DDIAS: variants seen among roughly 807,000 people sequenced by gnomAD.
DDIAS encodes DNA damage induced apoptosis suppressor.
Under a neutral mutation model 15.7 loss-of-function variants are expected in DDIAS, and 14 were observed. That is an observed-to-expected ratio of 0.89 (90% CI 0.59 to 1.39). The LOEUF is 1.39. Among genes scored for constraint, DDIAS ranks in the 40% most tolerant of loss-of-function variants. The pLI is 0.00. For synonymous variants in DDIAS, 355 were observed against 395.9 expected, an observed-to-expected ratio of 0.90 and a Z score of 1.23; for missense variants, 1,035 against 1,130.9, an observed-to-expected ratio of 0.92 and a Z score of 1.22.
At position 82,934,008 on chromosome 11, in the gene DDIAS, T is replaced by C; in HGVS notation, c.2670T>C (p.Ala890=). The change falls in exon 6 of 6, where the codon GCT becomes GCC. Residue 890 remains alanine (A), a synonymous_variant. Transcript: ENST00000533655. ...FQGIGLGKCL[A]AYHFPDQQEL... ...GCATAGGTCTAGGGAAATGCCTTGC[T>C]GCCTATCATTTCCCTGATCAACAAG... The C allele has an allele frequency of 1.2e-6, 2 of 1,613,822 alleles. No individual in the cohort carries two copies. The highest frequency in any genetic ancestry group is 2.2e-5 in the East Asian group (1 of 44,876).
rs947227853 is a variant in DDIAS, at chr11:82,930,419, T to G, written c.393+145T>G. ...AAACTATGTAAAAATAGCCTATAGG[T>G]GGTCTGTTAAAACACCATGTGTGAC... On this transcript the variant is annotated intron_variant, in intron 5 of 5. Coordinates refer to ENST00000533655, the MANE Select transcript of DDIAS (RefSeq NM_145018.4). 2.4e-5 allele frequency: 14 copies of G among 578,334 alleles called. No individual in the cohort carries two copies. The South Asian group carries it at 3.6e-4, about 15-fold the overall frequency. The allele number at this position is 578,334 out of a possible 1,614,324, so 35.8% of individuals were successfully genotyped here.
chr11:82,918,053 G>C (rs1228956554), intron 3 of DDIAS, among the ~76,000 whole-genome samples: 1 of 152,186 alleles, frequency 6.6e-6, no homozygotes, highest in Non-Finnish European at 1.5e-5. Context: ...CAGATGTATA[G>C]ATTGTGAAGA....
chr11:82,928,723 C>G, intron 3 of DDIAS, 54 bp from the exon 4 acceptor site: 1 of 1,554,100 alleles, frequency 6.4e-7, no homozygotes, highest in South Asian at 1.2e-5. Flanking sequence ...GATTTTTCAT[C>G]ATATGAAAAA....
At chr11:82,904,592 T>G (rs1860389015) in intron 1 of DDIAS, among the ~76,000 whole-genome samples, 1 of 152,218 alleles carries the variant, frequency 6.6e-6, no homozygotes, top group African/African-American at 2.4e-5. Flanking sequence ...TTTTCAAGTG[T>G]GGGCAATTTG....
At chr11:82,914,702 A>G (rs1407577235) in intron 2 of DDIAS, 21 bp from the exon 3 acceptor site, 2 of 1,277,220 alleles carry the variant, frequency 1.6e-6, no homozygotes, top group African/African-American at 1.5e-5. Context: ...CAGTCATCCC[A>G]ATGGCTATTT....
rs1590814973 is a variant in DDIAS at position 82,933,426 on chromosome 11, A to C, written c.2088A>C (p.Lys696Asn). The change falls in exon 6 of 6, where the codon AAA (lysine) becomes AAC (asparagine). Residue 696 changes from lysine to asparagine, a missense_variant. By Grantham distance (94) the Lys-to-Asn change is moderately conservative (BLOSUM62 0). Coordinates refer to ENST00000533655, the MANE Select transcript of DDIAS (RefSeq NM_145018.4). The stretch of plus-strand genomic sequence containing the variant: ...ACATTGCAACTGAGATTACCAAAAA[A>C]TCACAGGATATTTTGTTAAAATGGG... ...EMDIATEITK[K>N]SQDILLKWGT... The C allele has an allele frequency of 6.2e-7, 1 of 1,613,806 alleles. No homozygotes were observed. Among genetic ancestry groups the C allele is most frequent in the African/African-American group, 1.3e-5 (1 of 74,928 alleles).
chr11:82,926,913 T>C (rs1590809851), intron 3 of DDIAS, among the ~76,000 whole-genome samples: 1 of 152,154 alleles, frequency 6.6e-6, no homozygotes, highest in Admixed American at 6.6e-5. Flanking sequence ...ATAGACATAG[T>C]TTTTTGAGGC....
intron 3 of DDIAS, among the ~76,000 whole-genome samples, chr11:82,916,261 A>G (rs985288399): frequency 1.4e-4 from 22 of 152,228 alleles, no homozygotes; most frequent in Non-Finnish European, 2.8e-4. Context: ...AATACATAAC[A>G]TATATTAGGA....
Position 82,928,929 on chromosome 11 carries a change from G to A in DDIAS, c.266G>A (p.Gly89Asp). The A allele has an allele frequency of 6.2e-7, 1 of 1,611,090 alleles. No homozygotes were observed. The highest frequency in any genetic ancestry group is 1.1e-5 in the South Asian group (1 of 90,238). The change falls in exon 4 of 6, where the codon GGT becomes GAT. Residue 89 changes from glycine to aspartate, a missense_variant. Coordinates refer to ENST00000533655, the MANE Select transcript of DDIAS (RefSeq NM_145018.4). The stretch of plus-strand genomic sequence containing the variant: ...ACATTTTTTGGTCTTACTGCCACTG[G>A]TTTGCACAGGTAAGAATACTTAAAA... ...LDTFFGLTAT[G>D]LHRYIQDPNK...
intron 1 of DDIAS, among the ~76,000 whole-genome samples, chr11:82,908,904 C>T (rs887671620): frequency 2.6e-5 from 4 of 152,166 alleles, no homozygotes; most frequent in Non-Finnish European, 5.9e-5. Flanking sequence ...TTTCTTTAGC[C>T]CTTCTCTTTC....
chr11:82,921,864 C>A (rs866496180), intron 3 of DDIAS, among the ~76,000 whole-genome samples: 1 of 152,142 alleles, frequency 6.6e-6, no homozygotes, highest in Non-Finnish European at 1.5e-5. Context: ...CAGGCATGAG[C>A]CACTGCGCCC....
chr11:82,932,557 G>A lies in DDIAS; in HGVS notation c.1219G>A (p.Asp407Asn). Residue 407 changes from aspartate to asparagine, a missense_variant, in exon 6 of 6, where the codon GAT (aspartate) becomes AAT (asparagine). Physicochemically the swap from Asp to Asn is conservative, Grantham distance 23 (BLOSUM62 1). Transcript: ENST00000533655. The part of the protein sequence containing the change: ...RLEETASSSQ[D>N]GDPQIWDDLP... ...TGAAGAGACAGCCAGCAGTTCCCAGGATGGTGACCCTCAAATTTGGGATGA... is the reference window on the plus strand; with the variant it reads ...TGAAGAGACAGCCAGCAGTTCCCAGAATGGTGACCCTCAAATTTGGGATGA... The A allele has an allele frequency of 1.2e-6, 2 of 1,614,176 alleles. No homozygotes were observed. Among genetic ancestry groups the A allele is most frequent in the Non-Finnish European group, 1.7e-6 (2 of 1,180,030 alleles).
Position 82,933,081 on chromosome 11 carries a change from AG to A in DDIAS, c.1744del (p.Glu582LysfsTer7), listed in dbSNP as rs751328193. 1 of 1,602,714 alleles carries A rather than the reference AG, an allele frequency of 6.2e-7. No homozygotes were observed. Among genetic ancestry groups the A allele is most frequent in the Non-Finnish European group, 8.5e-7 (1 of 1,178,406 alleles). ...ATAACAAATATTTGAATGGATGTGG[AG>A]AAATATCAGTTTCAGAAATGAATGA... ...LNNKYLNGCG[E>X]ISVSEMNEKL... On this transcript the variant is annotated frameshift_variant, in exon 6 of 6. Coordinates refer to ENST00000533655, the MANE Select transcript of DDIAS (RefSeq NM_145018.4). LOFTEE classifies it low-confidence loss of function (END_TRUNC).
intron 3 of DDIAS, among the ~76,000 whole-genome samples, chr11:82,919,968 C>T (rs928841422): frequency 1.3e-5 from 2 of 152,194 alleles, no homozygotes; most frequent in Admixed American, 1.3e-4. Flanking sequence ...CATGATCCGC[C>T]CACCTCAGCC....
intron 3 of DDIAS, among the ~76,000 whole-genome samples, chr11:82,920,004 T>A (rs1356899428): frequency 6.6e-6 from 1 of 152,214 alleles, no homozygotes; most frequent in Non-Finnish European, 1.5e-5. Context: ...ATTACAGGCG[T>A]GAGGCACCAC....
At position 82,933,509 on chromosome 11, in the gene DDIAS, C is replaced by G. The variant is rs752741127; in HGVS notation, c.2171C>G (p.Ser724Cys). 1.3e-5 allele frequency: 21 copies of G among 1,613,900 alleles called. No individual in the cohort carries two copies. The East Asian group carries it at 4.7e-4, about 36-fold the overall frequency. The change falls in exon 6 of 6, where the codon TCT becomes TGT. Residue 724 changes from serine (S) to cysteine (C), a missense_variant. Physicochemically the swap from Ser to Cys is moderately radical, Grantham distance 112. Transcript: ENST00000533655. ...SESDFSLRSLSEDFIQPSQKL... is the reference protein window; with the variant it reads ...SESDFSLRSLCEDFIQPSQKL... The stretch of plus-strand genomic sequence containing the variant: ...TCTGATTTTTCACTGAGATCACTTT[C>G]TGAAGACTTCATCCAGCCTTCACAA...
At chr11:82,925,012 T>G (rs1010247451) in intron 3 of DDIAS, among the ~76,000 whole-genome samples, 2 of 152,292 alleles carry the variant, frequency 1.3e-5, no homozygotes, top group South Asian at 2.1e-4. Context: ...GAGTGCATAA[T>G]GGAGTTTCCC....
At chr11:82,917,058 T>C (rs1860645939) in intron 3 of DDIAS, among the ~76,000 whole-genome samples, 1 of 152,244 alleles carries the variant, frequency 6.6e-6, no homozygotes, top group Non-Finnish European at 1.5e-5. Context: ...TCCTTGCCTA[T>C]GGAAACATAG....
Position 82,933,516 on chromosome 11 carries a change from CTT to C in DDIAS, c.2179_2180del (p.Phe727HisfsTer14), listed in dbSNP as rs1330116960. On this transcript the variant is annotated frameshift_variant, in exon 6 of 6. Transcript: ENST00000533655. LOFTEE classifies it low-confidence loss of function (END_TRUNC). ...DFSLRSLSED[F>X]IQPSQKLSLQ... ...TTTCACTGAGATCACTTTCTGAAGA[CTT>C]CATCCAGCCTTCACAAAAATTATCC... 1.7e-5 allele frequency: 27 copies of C among 1,613,946 alleles called. No individual in the cohort carries two copies. In the Middle Eastern group the frequency reaches 1.3e-3, roughly 79 times the overall value.
Sources: gnomAD v4.1 joint callset for allele counts (sites outside exome capture counted in the v4.1 genomes callset) on GRCh38, gnomAD v4.1.1 for gene constraint, MANE v1.5 for transcripts, NCBI Gene and HGNC (gene_info 2026-07-23, HGNC 2026-07-21) for gene names.